The following KIF26B variants were observed in gnomAD, a reference collection of about 807,000 sequenced individuals.
KIF26B encodes kinesin-like protein KIF26B.
In KIF26B, 63 loss-of-function variants were observed where a neutral mutation model predicts 151.2. That is an observed-to-expected ratio of 0.42 (90% CI 0.34 to 0.51). The LOEUF is 0.51. Among genes scored for constraint, KIF26B ranks in the 20% least tolerant of loss-of-function variants. The pLI, the probability that KIF26B is intolerant of heterozygous loss-of-function variation, is 0.07. For synonymous variants in KIF26B, 1,357 were observed against 1,262.1 expected, an observed-to-expected ratio of 1.08 and a Z score of -1.59; for missense variants, 2,813 against 2,913.6, an observed-to-expected ratio of 0.97 and a Z score of 0.79.
chr1:245,577,633 A>T (rs1368551730), intron 5 of KIF26B, among the ~76,000 whole-genome samples: 1 of 147,952 alleles, frequency 6.8e-6, no homozygotes, highest in Non-Finnish European at 1.5e-5. Context: ...CCCTACACGG[A>T]AGAGCTTTGT....
At chr1:245,415,155 G>T (rs1674386532) in intron 3 of KIF26B, among the ~76,000 whole-genome samples, 1 of 152,146 alleles carries the variant, frequency 6.6e-6, no homozygotes, top group South Asian at 2.1e-4. Context: ...ACATCTGAGG[G>T]CATCCCTTAT....
intron 5 of KIF26B, among the ~76,000 whole-genome samples, chr1:245,555,120 GTCT>G (rs1399732950): frequency 6.6e-6 from 1 of 152,164 alleles, no homozygotes; most frequent in African/African-American, 2.4e-5. Flanking sequence ...GTGTTTCCTA[GTCT>G]TCTTTGAGAA....
At chr1:245,690,123 A>T (rs1321226995) in intron 12 of KIF26B, among the ~76,000 whole-genome samples, 2 of 152,166 alleles carry the variant, frequency 1.3e-5, no homozygotes, top group Non-Finnish European at 2.9e-5. Flanking sequence ...TTTGCCTGGA[A>T]TCATCTCTGC....
chr1:245,375,936 G>A lies in KIF26B; in HGVS notation c.999+8569G>A, dbSNP rs1047746092. 1.1e-4 allele frequency among the ~76,000 whole-genome samples: 16 copies of A among 152,296 alleles called. No homozygotes were observed. Among genetic ancestry groups the A allele is most frequent in the African/African-American group, 3.1e-4 (13 of 41,556 alleles). ...AATGAGAGGTTACTCATACTGCACC[G>A]CTGGTTTGCGATTGTCTCAGATTTC... On this transcript the variant is annotated intron_variant, in intron 3 of 14. Transcript: ENST00000407071. This position sits in a 1 kb window ranked among gnomAD's most constrained non-coding sequence, Gnocchi z 4.2.
intron 3 of KIF26B, among the ~76,000 whole-genome samples, chr1:245,399,980 C>A (rs778325004): frequency 6.6e-6 from 1 of 152,100 alleles, no homozygotes; most frequent in Non-Finnish European, 1.5e-5. Context: ...TTAGTATAAT[C>A]CCCTACTTTC....
In KIF26B at chr1:245,166,047, C is replaced by T. The variant is rs948892443; in HGVS notation, c.465+9364C>T. 2.0e-5 allele frequency among the ~76,000 whole-genome samples: 3 copies of T among 152,300 alleles called. No individual in the cohort carries two copies. Among genetic ancestry groups the T allele is most frequent in the South Asian group, 2.1e-4 (1 of 4,818 alleles). On this transcript the variant is annotated intron_variant, in intron 2 of 14. Coordinates refer to ENST00000407071, the MANE Select transcript of KIF26B (RefSeq NM_018012.4). This position sits in a 1 kb window ranked among gnomAD's most constrained non-coding sequence, Gnocchi z 4.5. ...CAGACTTGCGTGCAAAACCAGGCTCCGTCACTTAGGGTGTGACCTTGGGCA... is the reference window on the plus strand; with the variant it reads ...CAGACTTGCGTGCAAAACCAGGCTCTGTCACTTAGGGTGTGACCTTGGGCA...
intron 4 of KIF26B, among the ~76,000 whole-genome samples, chr1:245,424,794 G>A (rs1374211932): frequency 6.6e-6 from 1 of 152,162 alleles, no homozygotes; most frequent in Admixed American, 6.5e-5. Context: ...CCTTCACCCG[G>A]ATAGTTTGAG....
At chr1:245,188,465 T>C (rs950014188) in intron 2 of KIF26B, among the ~76,000 whole-genome samples, 1 of 152,240 alleles carries the variant, frequency 6.6e-6, no homozygotes, top group East Asian at 1.9e-4. Context: ...TGGTTTTGAC[T>C]GAATAGCTCA....
chr1:245,426,226 C>G (rs1658647022), intron 4 of KIF26B, among the ~76,000 whole-genome samples: 1 of 151,872 alleles, frequency 6.6e-6, no homozygotes. Flanking sequence ...CTTCTTTCCT[C>G]CCTTCCTGTT....
intron 2 of KIF26B, among the ~76,000 whole-genome samples, chr1:245,254,002 G>A (rs1383338097): frequency 6.6e-6 from 1 of 151,610 alleles, no homozygotes; most frequent in South Asian, 2.1e-4. Flanking sequence ...AGTAGAGATG[G>A]GGTTTCACCG....
At chr1:245,346,294 C>T (rs996728675) in intron 2 of KIF26B, among the ~76,000 whole-genome samples, 1 of 152,080 alleles carries the variant, frequency 6.6e-6, no homozygotes, top group Admixed American at 6.5e-5. Flanking sequence ...AGTCCCTTTA[C>T]CTTATCTTCC....
intron 4 of KIF26B, among the ~76,000 whole-genome samples, chr1:245,510,601 TC>T (rs1181937158): frequency 6.6e-6 from 1 of 151,312 alleles, no homozygotes; most frequent in Non-Finnish European, 1.5e-5. Context: ...TCTCTCTCTC[TC>T]TCTCTCTCTC....
At chr1:245,189,668 C>T (rs2184989) in intron 2 of KIF26B, among the ~76,000 whole-genome samples, 130,023 of 152,202 alleles carry the variant, frequency 0.85, 55,846 homozygotes, top group Non-Finnish European at 0.9. Flanking sequence ...AAGTTAGAAC[C>T]TTGCGCCTTC....
At chr1:245,434,973 G>A (rs1572059616) in intron 4 of KIF26B, among the ~76,000 whole-genome samples, 1 of 135,644 alleles carries the variant, frequency 7.4e-6, no homozygotes. Flanking sequence ...ATGCTCTTTT[G>A]TCCATCCATC....
chr1:245,291,811 T>A (rs1441742482), intron 2 of KIF26B, among the ~76,000 whole-genome samples: 4 of 151,892 alleles, frequency 2.6e-5, no homozygotes, highest in Non-Finnish European at 5.9e-5. Flanking sequence ...GCGGTGACAG[T>A]GTGGGGCCCA....
intron 5 of KIF26B, among the ~76,000 whole-genome samples, chr1:245,559,172 C>G (rs932062004): frequency 2.6e-5 from 4 of 152,076 alleles, no homozygotes; most frequent in Non-Finnish European, 4.4e-5. Flanking sequence ...TAGGGAGACC[C>G]CATCTCTACA....
chr1:245,541,180 A>T (rs887985890), intron 5 of KIF26B, among the ~76,000 whole-genome samples: 1 of 152,250 alleles, frequency 6.6e-6, no homozygotes, highest in Non-Finnish European at 1.5e-5. Flanking sequence ...TGGTGGGAAA[A>T]ATCAGCTTTG....
At chr1:245,309,274 G>A (rs1195042574) in intron 2 of KIF26B, among the ~76,000 whole-genome samples, 1 of 152,124 alleles carries the variant, frequency 6.6e-6, no homozygotes, top group Admixed American at 6.5e-5. Context: ...CAGATATTTG[G>A]TCAAACGTTG....
chr1:245,696,567 G>C (rs2044696402), intron 12 of KIF26B, among the ~76,000 whole-genome samples: 1 of 151,698 alleles, frequency 6.6e-6, no homozygotes, highest in Non-Finnish European at 1.5e-5. Context: ...TTGGAAGCTA[G>C]AGTTGAGGCA....
Sources: allele counts gnomAD v4.1 joint callset (sites outside exome capture counted in the v4.1 genomes callset), GRCh38; gene constraint gnomAD v4.1.1; non-coding constraint Gnocchi (gnomAD v3.1); transcripts MANE v1.5; gene names NCBI Gene and HGNC (gene_info 2026-07-23, HGNC 2026-07-21).